TLE2: variants seen among roughly 807,000 people sequenced by gnomAD.
The protein encoded by TLE2 is TLE family member 2, transcriptional corepressor, also known as transducin-like enhancer protein 2.
In TLE2, 74 loss-of-function variants were observed where a neutral mutation model predicts 97.2. The observed-to-expected ratio is 0.76, with a 90% CI of 0.63 to 0.92. TLE2 has a LOEUF of 0.92. TLE2 is among the 40% of genes least tolerant of loss of function. The pLI, the probability that TLE2 is intolerant of heterozygous loss-of-function variation, is 0.00. For missense variants in TLE2, 1,038 were observed against 1,008.7 expected, an observed-to-expected ratio of 1.03 and a Z score of -0.39; for synonymous variants, 499 against 432.1, an observed-to-expected ratio of 1.15 and a Z score of -1.92.
At chr19:3,031,194 T>C (rs1295683695), upstream of TLE2, among the ~76,000 whole-genome samples, 5 of 151,918 alleles carry the variant, frequency 3.3e-5, no homozygotes, top group African/African-American at 9.7e-5. Flanking sequence ...AGGGCAGTGA[T>C]AGAGATGAAC....
chr19:3,046,177 G>A (rs958749569), upstream of TLE2, among the ~76,000 whole-genome samples: 1 of 152,304 alleles, frequency 6.6e-6, no homozygotes, highest in Non-Finnish European at 1.5e-5. Context: ...TCTGATGTCC[G>A]TGGGCCTCAG....
rs2089996699 is a variant in TLE2, at chr19:3,029,146, G to C, written c.-242C>G. Reference sequence around the variant, plus strand: ...GGCGAGCGGGGCGGGCAGGGGCAGCGGCCGGGGCGGGAGCGCGGCGAGGGC... The same window carrying C: ...GGCGAGCGGGGCGGGCAGGGGCAGCCGCCGGGGCGGGAGCGCGGCGAGGGC... On this transcript the variant is annotated 5_prime_UTR_variant, in exon 1 of 20. Transcript: ENST00000262953. 5.1e-6 allele frequency: 5 copies of C among 974,842 alleles called. No homozygotes were observed. The South Asian group carries it at 2.3e-4, about 45-fold the overall frequency. 60.4% of individuals were successfully genotyped at this position (974,842 alleles called of 1,614,324 possible). A position where few individuals can be genotyped will look rare whatever the true frequency, so the allele number is the denominator to read the frequency against.
intron 4 of TLE2, chr19:3,025,527 TCTC>T (rs1232694985): frequency 2.0e-6 from 2 of 994,518 alleles, no homozygotes; most frequent in African/African-American, 1.7e-5. Context: ...CCTTTCTTGG[TCTC>T]CTCCGCTTCC....
At chr19:2,998,276 T>TGTGTGTGTGTGTGTGTGTGTG (rs1339449267) in intron 19 of TLE2, among the ~76,000 whole-genome samples, 2 of 76,018 alleles carry the variant, frequency 2.6e-5, no homozygotes, top group African/African-American at 5.5e-5. Context: ...TGTGTGTGTG[T>TGTGTGTGTGTGTGTGTGTGTG]AATTTTTTTT....
chr19:2,998,744 G>C (rs1336696981), intron 19 of TLE2, among the ~76,000 whole-genome samples: 1 of 152,140 alleles, frequency 6.6e-6, no homozygotes, highest in African/African-American at 2.4e-5. Context: ...CAGGTGCTTT[G>C]GAGCTAAGTC....
intron 1 of TLE2, among the ~76,000 whole-genome samples, chr19:3,036,530 A>G (rs1318931779): frequency 6.6e-6 from 1 of 152,144 alleles, no homozygotes; most frequent in African/African-American, 2.4e-5. Flanking sequence ...CTGCCGGGCC[A>G]CCAGCCAGGC....
intron 1 of TLE2, among the ~76,000 whole-genome samples, chr19:3,036,493 C>T (rs946304587): frequency 2.7e-4 from 41 of 152,214 alleles, no homozygotes; most frequent in Admixed American, 2.7e-3. Flanking sequence ...CACCGCCAAC[C>T]TCTGCCTACC....
chr19:3,043,439 A>C (rs529532456), intron 1 of TLE2, among the ~76,000 whole-genome samples: 77 of 149,312 alleles, frequency 5.2e-4, no homozygotes, highest in Non-Finnish European at 8.6e-4. Context: ...AGCCTCCCAA[A>C]GTGCTGGGAT....
intron 3 of TLE2, 105 bp downstream of exon 3, chr19:3,028,213 CG>C: frequency 8.4e-7 from 1 of 1,191,818 alleles, no homozygotes; most frequent in Non-Finnish European, 1.2e-6. Flanking sequence ...AATGTACAGA[CG>C]GGGAAGACGA....
At position 2,997,869 on chromosome 19, in the gene TLE2, G is replaced by T; in HGVS notation, c.2211C>A (p.Thr737=). The change falls in exon 20 of 20, where the codon ACC becomes ACA. Residue 737 remains threonine (T), a synonymous_variant. Transcript: ENST00000262953. ...IVTGSGDKKA[T]VYEVVY ...TGTCTCAGTAGACCACCTCATACACGGTGGCCTTCTTGTCCCCCGAGCCTG... is the reference window on the plus strand; with the variant it reads ...TGTCTCAGTAGACCACCTCATACACTGTGGCCTTCTTGTCCCCCGAGCCTG... The T allele has an allele frequency of 6.2e-7, 1 of 1,610,806 alleles. No individual in the cohort carries two copies. The highest frequency in any genetic ancestry group is 1.3e-5 in the African/African-American group (1 of 74,934).
rs1245949611 is a variant in TLE2, at chr19:3,028,306, T to G, written c.186+13A>C. On this transcript the variant is annotated intron_variant, in intron 3 of 19. Coordinates refer to ENST00000262953, the MANE Select transcript of TLE2 (RefSeq NM_003260.5). The stretch of plus-strand genomic sequence containing the variant: ...CGCCTCTCCCCTCACCCTGGCATCA[T>G]AAGTGCCCTCACCATGACATAATGT... 1 of 1,604,522 alleles carries G rather than the reference T, an allele frequency of 6.2e-7. No homozygotes were observed. The highest frequency in any genetic ancestry group is 8.5e-7 in the Non-Finnish European group (1 of 1,175,388).
At chr19:3,025,178 G>C in intron 4 of TLE2, 96 bp from the exon 5 acceptor site, 1 of 1,296,172 alleles carries the variant, frequency 7.7e-7, no homozygotes, top group Non-Finnish European at 1.1e-6. Flanking sequence ...AAAGCCGAAG[G>C]GTTGGGGAGG....
At chr19:3,033,837 C>A (rs2090043899), upstream of TLE2, among the ~76,000 whole-genome samples, 1 of 151,906 alleles carries the variant, frequency 6.6e-6, no homozygotes, top group African/African-American at 2.4e-5. Context: ...AGACCCAACC[C>A]CCACCCCCCA....
intron 19 of TLE2, 72 bp downstream of exon 19, chr19:3,000,575 A>C: frequency 7.1e-7 from 1 of 1,403,492 alleles, no homozygotes; most frequent in Non-Finnish European, 9.8e-7. Context: ...GACAGGGGCA[A>C]TCTCTCTGTC....
chr19:3,024,908 G>A, intron 5 of TLE2, 112 bp downstream of exon 5: 10 of 910,624 alleles, frequency 1.1e-5, no homozygotes, highest in Non-Finnish European at 1.7e-5. Flanking sequence ...CTCTATCCGT[G>A]CTGCAGGCTA....
intron 17 of TLE2, among the ~76,000 whole-genome samples, chr19:3,004,002 C>T (rs756359915): frequency 8.5e-5 from 13 of 152,106 alleles, no homozygotes; most frequent in South Asian, 2.1e-4. Context: ...CCACTGCACC[C>T]GGCCTCGGTT....
At chr19:3,024,344 T>G (rs980277836) in intron 5 of TLE2, among the ~76,000 whole-genome samples, 5 of 151,914 alleles carry the variant, frequency 3.3e-5, no homozygotes, top group African/African-American at 1.2e-4. Context: ...AGTGCACAGC[T>G]CAGCAGCATA....
At chr19:3,035,657 G>T (rs1299227693) in intron 1 of TLE2, among the ~76,000 whole-genome samples, 1 of 152,156 alleles carries the variant, frequency 6.6e-6, no homozygotes, top group Non-Finnish European at 1.5e-5. Context: ...GGTTGGCTGG[G>T]GGCGCCAGCC....
At position 3,002,473 on chromosome 19, in the gene TLE2, C is replaced by G. The variant is rs1208301094; in HGVS notation, c.1927G>C (p.Asp643His). ...CTCTCCATTCCGACCGCCAGCCAGT[C>G]CTGGTTAGGGCAGTGGCCCAGGGAG... ...IFSLGHCPNQ[D>H]WLAVGMESSN... is the part of the protein sequence containing the mutation. Residue 643 changes from aspartate to histidine, a missense_variant, in exon 18 of 20, where the codon GAC becomes CAC. Coordinates refer to ENST00000262953, the MANE Select transcript of TLE2 (RefSeq NM_003260.5). The G allele has an allele frequency of 5.6e-6, 9 of 1,595,900 alleles. No homozygotes were observed. The highest frequency in any genetic ancestry group is 7.7e-6 in the Non-Finnish European group (9 of 1,171,424).
Sources: allele counts gnomAD v4.1 joint callset (sites outside exome capture counted in the v4.1 genomes callset), GRCh38; gene constraint gnomAD v4.1.1; transcripts MANE v1.5; gene names NCBI Gene and HGNC (gene_info 2026-07-23, HGNC 2026-07-21).